The following ACSF3 variants were observed in gnomAD, a reference collection of about 807,000 sequenced individuals.
ACSF3 encodes the protein acyl-CoA synthetase family member 3, also known as malonate--CoA ligase ACSF3, mitochondrial.
ACSF3 carries 78 observed loss-of-function variants against 53.2 expected under a neutral mutation model. The observed-to-expected ratio is 1.47, with a 90% CI of 1.22 to 1.77. The LOEUF (loss-of-function observed/expected upper bound fraction) is 1.77. Ranked by LOEUF, ACSF3 falls within the 40% of genes most tolerant of loss-of-function variation. ACSF3 has a pLI of 0.00. For synonymous variants in ACSF3, 414 were observed against 333.1 expected (o/e 1.24, Z -2.65); for missense variants, 937 against 771.1 (o/e 1.22, Z -2.55).
intron 7 of ACSF3, among the ~76,000 whole-genome samples, chr16:89,124,384 A>G (rs1907480706): frequency 1.5e-5 from 2 of 131,218 alleles, no homozygotes. Context: ...TGTGTGTGAT[A>G]CCTGTGTGTG....
intron 4 of ACSF3, among the ~76,000 whole-genome samples, chr16:89,104,863 G>T (rs899460926): frequency 2.6e-5 from 4 of 152,222 alleles, no homozygotes; most frequent in African/African-American, 7.2e-5. Flanking sequence ...AGCTTTGTAC[G>T]AGCAAGTGAG....
Position 89,155,196 on chromosome 16 carries a change from T to C in ACSF3, c.*989T>C. On this transcript the variant is annotated 3_prime_UTR_variant, in exon 11 of 11. Transcript: ENST00000614302. Reference sequence around the variant, plus strand: ...AGTTTCTGGACAATTTTCAGAAGAATAGGCTGCCTCCTCCCCACAGCCTGG... The same window carrying C: ...AGTTTCTGGACAATTTTCAGAAGAACAGGCTGCCTCCTCCCCACAGCCTGG... The C allele has an allele frequency of 4.4e-6, 2 of 454,096 alleles. No individual in the cohort carries two copies. Among genetic ancestry groups the C allele is most frequent in the African/African-American group, 2.0e-5 (1 of 50,122 alleles). 28.1% of individuals were successfully genotyped at this position (454,096 alleles called of 1,614,324 possible). A position where few individuals can be genotyped will look rare whatever the true frequency, so the allele number is the denominator to read the frequency against.
At chr16:89,101,397 G>A (rs1043054434) in intron 3 of ACSF3, 50 bp downstream of exon 3, 29 of 1,549,628 alleles carry the variant, frequency 1.9e-5, no homozygotes, top group African/African-American at 2.7e-5. Context: ...ACAGCACTCC[G>A]GGTGGGCTCC....
chr16:89,135,953 T>G (rs1910368107), intron 8 of ACSF3, among the ~76,000 whole-genome samples: 2 of 152,240 alleles, frequency 1.3e-5, no homozygotes, highest in African/African-American at 4.8e-5. Flanking sequence ...TTTTGTATTT[T>G]TAGTAAAGAC....
intron 5 of ACSF3, 44 bp from the exon 6 acceptor site, chr16:89,114,295 C>T: frequency 6.2e-7 from 1 of 1,612,050 alleles, no homozygotes. Flanking sequence ...CACGCGAGAG[C>T]CACGTCCCAA....
intron 1 of ACSF3, among the ~76,000 whole-genome samples, chr16:89,097,879 C>G (rs933400870): frequency 6.6e-6 from 1 of 152,284 alleles, no homozygotes; most frequent in East Asian, 1.9e-4. Context: ...CCAAGCAGCC[C>G]GCGGAGCTGT....
intron 7 of ACSF3, among the ~76,000 whole-genome samples, chr16:89,121,836 C>T (rs536415133): frequency 2.0e-5 from 3 of 152,346 alleles, no homozygotes; most frequent in East Asian, 1.9e-4. Context: ...CACATGACCA[C>T]GTGAGGGTTG....
intron 4 of ACSF3, among the ~76,000 whole-genome samples, chr16:89,107,725 A>T (rs6500532): frequency 6.6e-6 from 1 of 152,164 alleles, no homozygotes; most frequent in Non-Finnish European, 1.5e-5. Context: ...TGGATCCGCA[A>T]CTCCCAGTGC....
intron 7 of ACSF3, chr16:89,122,675 C>T (rs550557118): frequency 6.0e-6 from 1 of 166,032 alleles, no homozygotes; most frequent in Non-Finnish European, 1.3e-5. Flanking sequence ...AGTGAGACGC[C>T]CCGTGGCTGT....
intron 7 of ACSF3, among the ~76,000 whole-genome samples, chr16:89,124,918 T>C (rs1311374167): frequency 2.6e-5 from 4 of 152,268 alleles, no homozygotes; most frequent in Non-Finnish European, 5.9e-5. Flanking sequence ...CCTTGATCTA[T>C]GTTTCCATTC....
chr16:89,138,304 G>C (rs1232491681), intron 8 of ACSF3, among the ~76,000 whole-genome samples: 1 of 152,214 alleles, frequency 6.6e-6, no homozygotes, highest in Admixed American at 6.5e-5. Context: ...TCGTCCAGGG[G>C]AGGGACCTTT....
chr16:89,145,044 G>T, intron 8 of ACSF3: 1 of 1,263,094 alleles, frequency 7.9e-7, no homozygotes, highest in Non-Finnish European at 1.1e-6. Context: ...CCCACATCAT[G>T]GGCACAGTCC....
chr16:89,115,657 G>A (rs940264200), intron 6 of ACSF3, among the ~76,000 whole-genome samples: 3 of 152,270 alleles, frequency 2.0e-5, no homozygotes, highest in African/African-American at 7.2e-5. Context: ...AGAGATTGCT[G>A]TGTTGTCTGA....
At chr16:89,137,404 G>C (rs1910793991) in intron 8 of ACSF3, among the ~76,000 whole-genome samples, 1 of 147,632 alleles carries the variant, frequency 6.8e-6, no homozygotes, top group Non-Finnish European at 1.5e-5. Flanking sequence ...GGTCCCGGGA[G>C]GACCACCAGG....
chr16:89,118,596 G>A (rs769074875), intron 6 of ACSF3, among the ~76,000 whole-genome samples: 132 of 152,276 alleles, frequency 8.7e-4, no homozygotes, highest in South Asian at 1.7e-3. Flanking sequence ...GAGCTCTGTC[G>A]TGTGTTATGG....
chr16:89,106,396 G>A (rs1378631100), intron 4 of ACSF3, among the ~76,000 whole-genome samples: 1 of 151,802 alleles, frequency 6.6e-6, no homozygotes, highest in African/African-American at 2.4e-5. Flanking sequence ...GGGTTCAAGC[G>A]ATTCTCCTGC....
intron 1 of ACSF3, among the ~76,000 whole-genome samples, chr16:89,094,505 G>C (rs1188658708): frequency 2.0e-5 from 3 of 152,182 alleles, no homozygotes; most frequent in Non-Finnish European, 4.4e-5. Flanking sequence ...TATTTGGAAG[G>C]TACTGCAGGC....
At chr16:89,140,958 A>T (rs1911633940) in intron 8 of ACSF3, 5 of 802,502 alleles carry the variant, frequency 6.2e-6, no homozygotes, top group Non-Finnish European at 8.7e-6. Context: ...GGCCGAGGAC[A>T]TACACAGCCC....
rs779242373 is a variant in ACSF3 at position 89,145,390 on chromosome 16, C to G, written c.1490C>G (p.Pro497Arg). The part of the protein sequence containing the change: ...LEVEWHLLAH[P>R]SITDVAVIGV... The stretch of plus-strand genomic sequence containing the variant: ...GTGGAGTGGCACCTGCTGGCCCACC[C>G]CAGCATCACAGGTGCGTGGCCGGAC... Residue 497 changes from proline (P) to arginine (R), a missense_variant, in exon 9 of 11, where the codon CCC becomes CGC. By Grantham distance (103) the Pro-to-Arg change is moderately radical. Coordinates refer to ENST00000614302, the MANE Select transcript of ACSF3 (RefSeq NM_001243279.3). 1.2e-6 allele frequency: 2 copies of G among 1,614,132 alleles called. No individual in the cohort carries two copies. The highest frequency in any genetic ancestry group is 1.7e-6 in the Non-Finnish European group (2 of 1,180,010).
Sources: allele counts gnomAD v4.1 joint callset (sites outside exome capture counted in the v4.1 genomes callset), GRCh38; gene constraint gnomAD v4.1.1; transcripts MANE v1.5; gene names NCBI Gene and HGNC (gene_info 2026-07-23, HGNC 2026-07-21).